The following SLC30A8 variants were observed in gnomAD, a reference collection of about 807,000 sequenced individuals.
SLC30A8 encodes solute carrier family 30 member 8.
In SLC30A8, 27 loss-of-function variants were observed where a neutral mutation model predicts 36.9. The ratio of observed to expected loss-of-function variants is 0.73; its 90% CI spans 0.54 to 1.01. The LOEUF (loss-of-function observed/expected upper bound fraction) is 1.01. SLC30A8 is among the 50% of genes least tolerant of loss of function. SLC30A8 has a pLI of 0.00. For synonymous variants in SLC30A8, 164 were observed against 172.4 expected (o/e 0.95, Z 0.38); for missense variants, 439 against 452.0 (o/e 0.97, Z 0.26).
intron 2 of SLC30A8, among the ~76,000 whole-genome samples, chr8:117,152,646 T>G (rs1165396220): frequency 6.6e-6 from 1 of 152,170 alleles, no homozygotes; most frequent in East Asian, 1.9e-4. Flanking sequence ...TATTCTCCTC[T>G]TTTGAATCCT....
chr8:116,958,764 C>T (rs1309548288), intron 1 of SLC30A8, among the ~76,000 whole-genome samples: 1 of 150,950 alleles, frequency 6.6e-6, no homozygotes, highest in Non-Finnish European at 1.5e-5. Flanking sequence ...TTCTTTCTAT[C>T]CCTTTTCCTT....
chr8:117,053,348 G>A lies in SLC30A8; in HGVS notation c.-226+14090G>A, dbSNP rs559302563. Among the ~76,000 whole-genome samples, 62 of 151,996 alleles carry A rather than the reference G, an allele frequency of 4.1e-4. 1 individual carries two copies. The highest frequency in any genetic ancestry group is 2.1e-4 in the South Asian group (1 of 4,816). Reference sequence around the variant, plus strand: ...CTGGTTTCCACCCATTCTCAGATCCGTTCAGAGAATCATGTCTGCATGTAC... The same window carrying A: ...CTGGTTTCCACCCATTCTCAGATCCATTCAGAGAATCATGTCTGCATGTAC... On this transcript the variant is annotated intron_variant, in intron 2 of 10. Coordinates refer to the SLC30A8 transcript ENST00000427715.
intron 1 of SLC30A8, among the ~76,000 whole-genome samples, chr8:117,143,959 A>C (rs537561010): frequency 2.0e-5 from 3 of 152,052 alleles, no homozygotes; most frequent in East Asian, 1.9e-4. Flanking sequence ...AGGATAAATT[A>C]TCTCTCCTGG....
At chr8:117,021,834 A>G (rs181677195) in intron 1 of SLC30A8, among the ~76,000 whole-genome samples, 1 of 152,254 alleles carries the variant, frequency 6.6e-6, no homozygotes, top group East Asian at 1.9e-4. Flanking sequence ...ACAGAATAGG[A>G]GAGCCCAGAA....
chr8:116,963,934 A>T (rs1814515122), intron 1 of SLC30A8, among the ~76,000 whole-genome samples: 1 of 152,232 alleles, frequency 6.6e-6, no homozygotes, highest in Non-Finnish European at 1.5e-5. Context: ...TATTCTCCCT[A>T]CCAACTTCAA....
At chr8:117,148,156 T>TGAGTAAAAG (rs2130969431) in intron 2 of SLC30A8, among the ~76,000 whole-genome samples, 1 of 152,162 alleles carries the variant, frequency 6.6e-6, no homozygotes, top group Admixed American at 6.5e-5. Flanking sequence ...TCATTTCTTT[T>TGAGTAAAAG]ACTACTCTCA....
At chr8:116,968,949 A>G (rs536528988) in intron 1 of SLC30A8, among the ~76,000 whole-genome samples, 11 of 152,004 alleles carry the variant, frequency 7.2e-5, no homozygotes, top group African/African-American at 2.4e-4. Context: ...GTTGGCCAGG[A>G]TGGTCTCCAT....
chr8:117,065,866 A>T (rs1005574912), intron 2 of SLC30A8, among the ~76,000 whole-genome samples: 1 of 152,074 alleles, frequency 6.6e-6, no homozygotes, highest in Non-Finnish European at 1.5e-5. Context: ...TTTTCAGAAG[A>T]TGTCCTGTGG....
intron 1 of SLC30A8, among the ~76,000 whole-genome samples, chr8:116,981,418 T>A (rs186158762): frequency 9.0e-4 from 137 of 152,316 alleles, no homozygotes; most frequent in Non-Finnish European, 1.3e-3. Flanking sequence ...TTATTTTTTT[T>A]AAAGTTATAT....
chr8:117,053,694 C>T (rs1430870112), intron 2 of SLC30A8, among the ~76,000 whole-genome samples: 1 of 152,180 alleles, frequency 6.6e-6, no homozygotes, highest in African/African-American at 2.4e-5. Context: ...TTCTCTCTAC[C>T]ACAACCCACA....
chr8:117,040,365 A>G (rs1369060747), intron 2 of SLC30A8, among the ~76,000 whole-genome samples: 1 of 152,242 alleles, frequency 6.6e-6, no homozygotes. Flanking sequence ...AAAACAGGCC[A>G]TGCAAAACTA....
intron 1 of SLC30A8, among the ~76,000 whole-genome samples, chr8:117,138,956 A>G (rs1821503441): frequency 6.6e-6 from 1 of 152,022 alleles, no homozygotes; most frequent in African/African-American, 2.4e-5. Flanking sequence ...GTAAGACAGC[A>G]TAGGGTATTT....
intron 2 of SLC30A8, among the ~76,000 whole-genome samples, chr8:117,057,565 G>A (rs968275848): frequency 6.7e-6 from 1 of 149,978 alleles, no homozygotes; most frequent in African/African-American, 2.5e-5. Flanking sequence ...TTACTCTCTG[G>A]TTTTATGAGT....
chr8:117,002,183 A>G (rs1010272055), intron 1 of SLC30A8, among the ~76,000 whole-genome samples: 21 of 152,190 alleles, frequency 1.4e-4, no homozygotes, highest in Non-Finnish European at 1.5e-5. Flanking sequence ...TATCTAAGGC[A>G]AGTAGCTGTC....
chr8:117,163,176 T>G (rs1464649639), intron 5 of SLC30A8, among the ~76,000 whole-genome samples: 1 of 152,240 alleles, frequency 6.6e-6, no homozygotes, highest in African/African-American at 2.4e-5. Context: ...ATTCTTCCTT[T>G]TAGTTCTTAA....
intron 1 of SLC30A8, among the ~76,000 whole-genome samples, chr8:117,021,523 G>A (rs76010012): frequency 0.016 from 2,388 of 152,262 alleles, 67 homozygotes; most frequent in African/African-American, 0.055. Context: ...AAACCATGCT[G>A]ATGGATTAGA....
At chr8:116,958,959 C>T (rs555332253) in intron 1 of SLC30A8, among the ~76,000 whole-genome samples, 5 of 145,994 alleles carry the variant, frequency 3.4e-5, no homozygotes, top group Non-Finnish European at 7.4e-5. Context: ...AAGCGAGTCT[C>T]CTGCCTCAGC....
Position 117,172,666 on chromosome 8 carries a change from A to C in SLC30A8, c.1095A>C (p.Glu365Asp). Residue 365 changes from glutamate to aspartate, a missense_variant, in exon 8 of 8, where the codon GAA becomes GAC. By Grantham distance (45) the Glu-to-Asp change is conservative. Coordinates refer to ENST00000456015, the MANE Select transcript of SLC30A8 (RefSeq NM_173851.3). ...VDQDPDCLFCEDPCD is the reference protein window; with the variant it reads ...VDQDPDCLFCDDPCD ...AGGACCCCGACTGCCTTTTCTGTGA[A>C]GACCCCTGTGACTAGCTCAGTCACA... The C allele has an allele frequency of 1.2e-6, 2 of 1,613,674 alleles. No individual in the cohort carries two copies. Among genetic ancestry groups the C allele is most frequent in the Non-Finnish European group, 1.7e-6 (2 of 1,179,664 alleles).
chr8:116,995,823 G>A (rs1030363524), intron 1 of SLC30A8, among the ~76,000 whole-genome samples: 2 of 152,042 alleles, frequency 1.3e-5, no homozygotes, highest in Non-Finnish European at 2.9e-5. Context: ...CATGGTTCGG[G>A]ACAGATAGCC....
Sources: gnomAD v4.1 joint callset for allele counts (sites outside exome capture counted in the v4.1 genomes callset) on GRCh38, gnomAD v4.1.1 for gene constraint, MANE v1.5 for transcripts, NCBI Gene and HGNC (gene_info 2026-07-23, HGNC 2026-07-21) for gene names.